Variants in ITSN1 observed in about 807,000 individuals in gnomAD.
The protein encoded by ITSN1 is intersectin-1.
ITSN1 carries 58 observed loss-of-function variants against 239.8 expected under a neutral mutation model. That is an observed-to-expected ratio of 0.24 (90% CI 0.20 to 0.30). The LOEUF (loss-of-function observed/expected upper bound fraction) is 0.30. Among genes scored for constraint, ITSN1 ranks in the 10% least tolerant of loss-of-function variants. ITSN1 has a pLI of 1.00. For synonymous variants in ITSN1, 780 were observed against 770.8 expected (o/e 1.01, Z -0.20); for missense variants, 1,558 against 2,103.3 (o/e 0.74, Z 5.07).
intron 28 of ITSN1, among the ~76,000 whole-genome samples, chr21:33,835,196 GA>G (rs1220103747): frequency 6.6e-6 from 1 of 152,146 alleles, no homozygotes; most frequent in East Asian, 1.9e-4. Context: ...GCCTTCTCAA[GA>G]AATTAAAGGA....
chr21:33,889,708 T>A lies in ITSN1; in HGVS notation c.*1408T>A, dbSNP rs1380854988. On this transcript the variant is annotated 3_prime_UTR_variant, in exon 40 of 40. Coordinates refer to ENST00000381318, the MANE Select transcript of ITSN1 (RefSeq NM_003024.3). ...TGGAGTCTAGCTTTCCTGTACTAGA[T>A]GGTGTTCTCTTTGATTGTAGGTCCT... 6.6e-6 allele frequency: 1 copy of A among 152,232 alleles called. No individual in the cohort carries two copies. Among genetic ancestry groups the A allele is most frequent in the African/African-American group, 2.4e-5 (1 of 41,454 alleles). 9.4% of individuals were successfully genotyped at this position (152,232 alleles called of 1,614,324 possible).
intron 26 of ITSN1, 117 bp from the exon 27 acceptor site, chr21:33,829,507 C>A: frequency 3.7e-6 from 4 of 1,069,702 alleles, no homozygotes; most frequent in Non-Finnish European, 5.5e-6. Context: ...AGAAATCCAG[C>A]TCAATACATT....
chr21:33,819,174 A>C, intron 23 of ITSN1, 67 bp from the exon 24 acceptor site: 1 of 1,216,746 alleles, frequency 8.2e-7, no homozygotes, highest in Non-Finnish European at 1.2e-6. Context: ...TAACAGAAAA[A>C]TCAGTGTCAT....
At chr21:33,829,415 C>T (rs2074161973) in intron 26 of ITSN1, 2 of 586,764 alleles carry the variant, frequency 3.4e-6, no homozygotes, top group Admixed American at 5.4e-5. Flanking sequence ...ACTGAGGGCT[C>T]AAGGATCAGC....
At chr21:33,770,800 G>A (rs1402898633) in intron 11 of ITSN1, among the ~76,000 whole-genome samples, 4 of 141,272 alleles carry the variant, frequency 2.8e-5, no homozygotes, top group African/African-American at 2.7e-5. Flanking sequence ...GAGTCTGCTC[G>A]TCACCCAGGC....
rs1986119521 is a variant in ITSN1 at position 33,888,538 on chromosome 21, A to G, written c.*238A>G. The G allele has an allele frequency of 1.1e-5, 5 of 451,774 alleles. No individual in the cohort carries two copies. The East Asian group carries it at 2.0e-4, about 18-fold the overall frequency. The allele number at this position is 451,774 out of a possible 1,614,324, so 28.0% of individuals were successfully genotyped here. On this transcript the variant is annotated 3_prime_UTR_variant, in exon 40 of 40. Transcript: ENST00000381318. Reference sequence around the variant, plus strand: ...TTCCTTTGTCCTCACTACAGGTCTCATTATGGCTTCTAGGGTCGCTGAAAT... The same window carrying G: ...TTCCTTTGTCCTCACTACAGGTCTCGTTATGGCTTCTAGGGTCGCTGAAAT...
At chr21:33,883,419 G>T in intron 35 of ITSN1, 131 bp from the exon 36 acceptor site, 1 of 1,238,264 alleles carries the variant, frequency 8.1e-7, no homozygotes, top group South Asian at 1.3e-5. Flanking sequence ...ACGCACGAGT[G>T]TGCACACACG....
At chr21:33,674,454 C>G (rs2146424154) in intron 1 of ITSN1, among the ~76,000 whole-genome samples, 1 of 152,238 alleles carries the variant, frequency 6.6e-6, no homozygotes, top group Non-Finnish European at 1.5e-5. Flanking sequence ...CCCATTAATG[C>G]TGGTGCTGTT....
rs1981456010 is a variant in ITSN1, at chr21:33,865,756, T to G, written c.4074+422T>G. Among the ~76,000 whole-genome samples, 1 of 152,140 alleles carries G rather than the reference T, an allele frequency of 6.6e-6. No individual in the cohort carries two copies. The highest frequency in any genetic ancestry group is 2.4e-5 in the African/African-American group (1 of 41,438). On this transcript the variant is annotated intron_variant, in intron 32 of 39. Coordinates refer to ENST00000381318, the MANE Select transcript of ITSN1 (RefSeq NM_003024.3). This position sits in a 1 kb window ranked among gnomAD's most constrained non-coding sequence, Gnocchi z 4.4. ...CCAGGACTCCCAGTGGCCCCTTCATTCCTTTCGCAGTTGGTTCTGCTTGAT... is the reference window on the plus strand; with the variant it reads ...CCAGGACTCCCAGTGGCCCCTTCATGCCTTTCGCAGTTGGTTCTGCTTGAT...
chr21:33,694,751 G>C (rs763944214), intron 1 of ITSN1, among the ~76,000 whole-genome samples: 1 of 152,062 alleles, frequency 6.6e-6, no homozygotes, highest in Non-Finnish European at 1.5e-5. Flanking sequence ...CCTGGGAGGC[G>C]GAGATTGCAG....
rs573788119 is a variant in ITSN1, at chr21:33,733,900, T to C, written c.186-1144T>C. On this transcript the variant is annotated intron_variant, in intron 4 of 39. Transcript: ENST00000381318. Reference sequence around the variant, plus strand: ...CAACTTTTACAATCTTGATCACTTTTAGAGATTTTTTTATCTTTGTCTTAT... The same window carrying C: ...CAACTTTTACAATCTTGATCACTTTCAGAGATTTTTTTATCTTTGTCTTAT... 3.5e-4 allele frequency among the ~76,000 whole-genome samples: 53 copies of C among 152,340 alleles called. 1 individual carries two copies. Among genetic ancestry groups the C allele is most frequent in the African/African-American group, 1.2e-3 (51 of 41,578 alleles).
intron 29 of ITSN1, among the ~76,000 whole-genome samples, chr21:33,855,486 C>T (rs538188349): frequency 1.4e-4 from 22 of 152,356 alleles, no homozygotes; most frequent in Admixed American, 6.5e-4. Context: ...ACCTCTGGGT[C>T]TGTCTTCCAA....
intron 2 of ITSN1, among the ~76,000 whole-genome samples, chr21:33,719,713 A>G (rs982561200): frequency 1.3e-5 from 2 of 152,126 alleles, no homozygotes; most frequent in African/African-American, 4.8e-5. Flanking sequence ...CACTTTTTCA[A>G]AGCCTGGATT....
At chr21:33,650,790 A>G (rs1006078350) in intron 1 of ITSN1, among the ~76,000 whole-genome samples, 1 of 152,234 alleles carries the variant, frequency 6.6e-6, no homozygotes, top group Non-Finnish European at 1.5e-5. Flanking sequence ...AGCAGATTTC[A>G]ATGAATAGTA....
rs1985115208 is a variant in ITSN1 at position 33,882,638 on chromosome 21, T to C, written c.4554+183T>C. Among the ~76,000 whole-genome samples, 1 of 152,094 alleles carries C rather than the reference T, an allele frequency of 6.6e-6. No individual in the cohort carries two copies. The highest frequency in any genetic ancestry group is 6.5e-5 in the Admixed American group (1 of 15,270). ...GATCCATATCCCGCCGCAGTGTCAG[T>C]GACACTCAGTGCTATCGGTGGAACA... On this transcript the variant is annotated intron_variant, in intron 35 of 39. Coordinates refer to ENST00000381318, the MANE Select transcript of ITSN1 (RefSeq NM_003024.3). The surrounding 1 kb of genome is among the most constrained non-coding windows in gnomAD (Gnocchi z 4.5).
intron 26 of ITSN1, among the ~76,000 whole-genome samples, chr21:33,827,416 TA>T (rs1267199148): frequency 6.6e-6 from 1 of 151,808 alleles, no homozygotes; most frequent in Non-Finnish European, 1.5e-5. Flanking sequence ...TAAAATAAAA[TA>T]AAATAAAATA....
chr21:33,653,026 G>A (rs1318505198), intron 1 of ITSN1, among the ~76,000 whole-genome samples: 2 of 147,656 alleles, frequency 1.4e-5, no homozygotes, highest in South Asian at 2.1e-4. Context: ...ACAGAGTCGT[G>A]TTTTGTTGCC....
intron 24 of ITSN1, among the ~76,000 whole-genome samples, chr21:33,820,728 G>A (rs2073618104): frequency 6.6e-6 from 1 of 152,156 alleles, no homozygotes; most frequent in Admixed American, 6.5e-5. Flanking sequence ...GATTAACAGA[G>A]TTCCCTTTAT....
At chr21:33,655,058 A>G (rs570869905) in intron 1 of ITSN1, among the ~76,000 whole-genome samples, 1 of 147,736 alleles carries the variant, frequency 6.8e-6, no homozygotes, top group Admixed American at 6.7e-5. Context: ...TGAATTTGTT[A>G]TTATTTTCTC....
Sources: allele counts gnomAD v4.1 joint callset (sites outside exome capture counted in the v4.1 genomes callset), GRCh38; gene constraint gnomAD v4.1.1; non-coding constraint Gnocchi (gnomAD v3.1); transcripts MANE v1.5; gene names NCBI Gene and HGNC (gene_info 2026-07-23, HGNC 2026-07-21).